Variants in BCHE observed in about 807,000 individuals in gnomAD.
BCHE encodes the protein cholinesterase.
Under a neutral mutation model 51.3 loss-of-function variants are expected in BCHE, and 48 were observed. The observed-to-expected ratio is 0.94, with a 90% CI of 0.74 to 1.19. BCHE has a LOEUF of 1.19. Ranked by LOEUF, BCHE falls within the 50% of genes most tolerant of loss-of-function variation. The pLI, the probability that BCHE is intolerant of heterozygous loss-of-function variation, is 0.00. For missense variants in BCHE, 847 were observed against 708.2 expected (o/e 1.20, Z -2.23); for synonymous variants, 251 against 238.0 (o/e 1.05, Z -0.50).
chr3:165,820,970 T>G (rs973958530), intron 2 of BCHE, among the ~76,000 whole-genome samples: 9 of 151,966 alleles, frequency 5.9e-5, no homozygotes, highest in African/African-American at 2.2e-4. Flanking sequence ...TGAGTCACAG[T>G]TAATCATTGT....
At chr3:165,788,233 A>T (rs903642903) in intron 2 of BCHE, among the ~76,000 whole-genome samples, 1 of 152,040 alleles carries the variant, frequency 6.6e-6, no homozygotes, top group African/African-American at 2.4e-5. Flanking sequence ...TCAAGAACTT[A>T]TATTGAATAT....
rs144570581 is a variant in BCHE, at chr3:165,800,138, A to G, written c.1518-13827T>C. ...AAAATTTTTTTTCTGTTACTTGAAT[A>G]CTTTTTTTGAATCAAAAATAATATT... On this transcript the variant is annotated intron_variant, in intron 2 of 3. Coordinates refer to ENST00000264381, the MANE Select transcript of BCHE (RefSeq NM_000055.4). Among the ~76,000 whole-genome samples, 86 of 152,226 alleles carry G rather than the reference A, an allele frequency of 5.6e-4. No individual in the cohort carries two copies. In the East Asian group the frequency reaches 0.016, roughly 29 times the overall value.
Position 165,830,663 on chromosome 3 carries a change from T to G in BCHE, c.371A>C (p.Asn124Thr), listed in dbSNP as rs748950254. The G allele has an allele frequency of 6.2e-7, 1 of 1,614,042 alleles. No homozygotes were observed. The highest frequency in any genetic ancestry group is 8.5e-7 in the Non-Finnish European group (1 of 1,179,966). ...TGGTTTAGGTGCTGGAATCCATACA[T>G]TTAGATATAAACAGTCTTCACTGAG... The part of the protein sequence containing the change: ...TDLSEDCLYL[N>T]VWIPAPKPKN... Residue 124 changes from asparagine (N) to threonine (T), a missense_variant, in exon 2 of 4, where the codon AAT becomes ACT. Asn to Thr is a moderately conservative substitution (Grantham distance 65). Coordinates refer to ENST00000264381, the MANE Select transcript of BCHE (RefSeq NM_000055.4).
intron 2 of BCHE, among the ~76,000 whole-genome samples, chr3:165,813,538 G>C (rs1020675750): frequency 6.6e-6 from 1 of 151,762 alleles, no homozygotes; most frequent in South Asian, 2.1e-4. Context: ...TCATTGAAAA[G>C]TTTATTACAA....
intron 2 of BCHE, among the ~76,000 whole-genome samples, chr3:165,810,222 C>T (rs1714042004): frequency 6.6e-6 from 1 of 152,156 alleles, no homozygotes. Flanking sequence ...TCTTCAGTTA[C>T]ACCCAGTGTG....
In BCHE at chr3:165,815,127, C is replaced by T. The variant is rs140263808; in HGVS notation, c.1517+14390G>A. On this transcript the variant is annotated intron_variant, in intron 2 of 3. Transcript: ENST00000264381. ...TATTTTTCACATTTAACTGAATGTC[C>T]TGTATTTTATCTGGCAATATTACTT... 6.8e-3 allele frequency among the ~76,000 whole-genome samples: 1,015 copies of T among 150,238 alleles called. 19 individuals carry two copies. The highest frequency in any genetic ancestry group is 0.039 in the Admixed American group (583 of 15,026).
chr3:165,831,798 C>T (rs184383410), intron 1 of BCHE, among the ~76,000 whole-genome samples: 1 of 151,998 alleles, frequency 6.6e-6, no homozygotes, highest in Non-Finnish European at 1.5e-5. Context: ...ATTTAATAAA[C>T]ATGAGGGACT....
At position 165,836,946 on chromosome 3, in the gene BCHE, A is replaced by G. The variant is rs113138830; in HGVS notation, c.-9+368T>C. Among the ~76,000 whole-genome samples the G allele has an allele frequency of 3.4e-3, 518 of 152,320 alleles. 7 individuals carry two copies. The highest frequency in any genetic ancestry group is 0.012 in the African/African-American group (482 of 41,576). ...GGAAGACTAATCAAAGATTACTTTT[A>G]CAGAGAGATTCAATAAACAATGCAT... On this transcript the variant is annotated intron_variant, in intron 1 of 3. Coordinates refer to ENST00000264381, the MANE Select transcript of BCHE (RefSeq NM_000055.4).
At chr3:165,775,224 A>G (rs1576831352) in intron 3 of BCHE, among the ~76,000 whole-genome samples, 1 of 152,170 alleles carries the variant, frequency 6.6e-6, no homozygotes, top group Non-Finnish European at 1.5e-5. Flanking sequence ...TGCAGACATT[A>G]CAATATCCCT....
chr3:165,781,764 A>G (rs1461921398), intron 3 of BCHE, among the ~76,000 whole-genome samples: 3 of 152,188 alleles, frequency 2.0e-5, no homozygotes, highest in African/African-American at 4.8e-5. Flanking sequence ...AAATAAAAAA[A>G]TAAAGAAAAT....
At chr3:165,828,746 T>A (rs541420245) in intron 2 of BCHE, among the ~76,000 whole-genome samples, 1 of 152,180 alleles carries the variant, frequency 6.6e-6, no homozygotes, top group East Asian at 1.9e-4. Flanking sequence ...AAAAAACTAC[T>A]TTATTTTCTA....
At chr3:165,825,013 T>G (rs1037191679) in intron 2 of BCHE, among the ~76,000 whole-genome samples, 6 of 149,856 alleles carry the variant, frequency 4.0e-5, no homozygotes, top group African/African-American at 9.8e-5. Context: ...GACATAACTG[T>G]TTTTTTTTCA....
chr3:165,815,297 CTTCCCTAGTGGTACGCAAAAA>C (rs1714271936), intron 2 of BCHE, among the ~76,000 whole-genome samples: 1 of 150,538 alleles, frequency 6.6e-6, no homozygotes, highest in Non-Finnish European at 1.5e-5. Flanking sequence ...TGCTCTTTTC[CTTCCCTAGTGGTACGCAAAAA>C]TTCTAATAGA....
chr3:165,787,171 G>C (rs774053693), intron 2 of BCHE, among the ~76,000 whole-genome samples: 2 of 151,656 alleles, frequency 1.3e-5, no homozygotes, highest in South Asian at 4.1e-4. Flanking sequence ...ATGAATAACT[G>C]TCGACTCTAT....
At chr3:165,812,257 GA>G (rs1306157713) in intron 2 of BCHE, among the ~76,000 whole-genome samples, 16 of 138,574 alleles carry the variant, frequency 1.2e-4, no homozygotes, top group Admixed American at 8.3e-4. Flanking sequence ...TCTATCAATG[GA>G]AAAAAAAATG....
At chr3:165,775,477 A>G (rs1576831497) in intron 3 of BCHE, among the ~76,000 whole-genome samples, 1 of 151,754 alleles carries the variant, frequency 6.6e-6, no homozygotes, top group Non-Finnish European at 1.5e-5. Context: ...TTTAAAAAAT[A>G]ACAAAATGTT....
At chr3:165,790,264 T>C (rs1250891649) in intron 2 of BCHE, among the ~76,000 whole-genome samples, 1 of 152,136 alleles carries the variant, frequency 6.6e-6, no homozygotes, top group Non-Finnish European at 1.5e-5. Flanking sequence ...TGCCTAAATA[T>C]AGTAATAAAA....
chr3:165,799,270 T>A (rs1448734175), intron 2 of BCHE, among the ~76,000 whole-genome samples: 1 of 152,172 alleles, frequency 6.6e-6, no homozygotes, highest in Non-Finnish European at 1.5e-5. Context: ...TTACATATTC[T>A]TCCTGCTTTA....
chr3:165,829,829 G>A lies in BCHE; in HGVS notation c.1205C>T (p.Thr402Ile). 1 of 1,613,348 alleles carries A rather than the reference G, an allele frequency of 6.2e-7. No homozygotes were observed. The highest frequency in any genetic ancestry group is 1.1e-5 in the South Asian group (1 of 91,002). Residue 402 changes from threonine to isoleucine, a missense_variant, in exon 2 of 4, where the codon ACA (threonine) becomes ATA (isoleucine). By Grantham distance (89) the Thr-to-Ile change is moderately conservative. Transcript: ENST00000264381. ...AGGTCTCTGATCATCTACCCAGTCT[G>A]TGTAATGAAAAAGGATGGATTCCTT... ...FGKESILFHY[T>I]DWVDDQRPEN... is the part of the protein sequence containing the mutation.
Sources: allele counts gnomAD v4.1 joint callset (sites outside exome capture counted in the v4.1 genomes callset), GRCh38; gene constraint gnomAD v4.1.1; transcripts MANE v1.5; gene names NCBI Gene and HGNC (gene_info 2026-07-23, HGNC 2026-07-21).